Variants in ZNF436 observed in about 807,000 individuals in gnomAD.
ZNF436 encodes the protein DNA-binding protein.
ZNF436 carries 22 observed loss-of-function variants against 41.9 expected under a neutral mutation model. The observed-to-expected ratio is 0.53, with a 90% CI of 0.38 to 0.75. The LOEUF (loss-of-function observed/expected upper bound fraction) is 0.75. Among genes scored for constraint, ZNF436 ranks in the 30% least tolerant of loss-of-function variants. The pLI, the probability that ZNF436 is intolerant of heterozygous loss-of-function variation, is 0.00. For missense variants in ZNF436, 506 were observed against 587.3 expected (o/e 0.86, Z 1.43); for synonymous variants, 217 against 197.8 (o/e 1.10, Z -0.82).
rs1262973106 is a variant in ZNF436 at position 23,362,245 on chromosome 1, T to C, written c.1137A>G (p.Thr379=). Residue 379 remains threonine, a synonymous_variant, in exon 4 of 4, where the codon ACA becomes ACG. Coordinates refer to ENST00000314011, the MANE Select transcript of ZNF436 (RefSeq NM_001077195.2). ...TCTCTCCAGTGTGAATTTTCTGGTG[T>C]GTGATGAGATGAGAGCTCCGGCTGA... ...KSFSRSSHLI[T]HQKIHTGEKP... is the part of the protein sequence containing the mutation. 1.2e-6 allele frequency: 2 copies of C among 1,613,640 alleles called. No homozygotes were observed. The highest frequency in any genetic ancestry group is 1.7e-6 in the Non-Finnish European group (2 of 1,179,900).
intron 1 of ZNF436, 40 bp from the exon 2 acceptor site, chr1:23,368,105 A>C: frequency 7.2e-7 from 1 of 1,381,802 alleles, no homozygotes. Flanking sequence ...CACGGAAAAC[A>C]GGCCCTGCCC....
In ZNF436 at chr1:23,363,008, A is replaced by G. The variant is rs1364956501; in HGVS notation, c.374T>C (p.Leu125Pro). 1 of 1,614,212 alleles carries G rather than the reference A, an allele frequency of 6.2e-7. No homozygotes were observed. Among genetic ancestry groups the G allele is most frequent in the Non-Finnish European group, 8.5e-7 (1 of 1,180,042 alleles). ...VSYPLQPVTD[L>P]LVHKEVHTGI... Reference sequence around the variant, plus strand: ...TGTGTGGACTTCTTTGTGGACAAGTAGATCAGTGACTGGTTGGAGAGGATA... The same window carrying G: ...TGTGTGGACTTCTTTGTGGACAAGTGGATCAGTGACTGGTTGGAGAGGATA... Residue 125 changes from leucine (L) to proline (P), a missense_variant, in exon 4 of 4, where the codon CTA (leucine) becomes CCA (proline). Leu to Pro is a moderately conservative substitution (Grantham distance 98). This residue lies in a region of ZNF436 where 228 missense variants were observed against 215.1 expected (regional missense o/e 1.06). Coordinates refer to ENST00000314011, the MANE Select transcript of ZNF436 (RefSeq NM_001077195.2).
chr1:23,360,888 G>A lies in ZNF436; in HGVS notation c.*1081C>T, dbSNP rs1196712460. The A allele has an allele frequency of 6.6e-6, 1 of 152,644 alleles. No homozygotes were observed. Among genetic ancestry groups the A allele is most frequent in the African/African-American group, 2.4e-5 (1 of 41,446 alleles). 9.5% of individuals were successfully genotyped at this position (152,644 alleles called of 1,614,324 possible). On this transcript the variant is annotated 3_prime_UTR_variant, in exon 4 of 4. Transcript: ENST00000314011. ...CTGTCACATGACTCACATCACCCAA[G>A]AACATGCTAAGTCTCTGTAAATTCA... is the stretch of plus-strand genomic sequence containing the variant.
intron 3 of ZNF436, among the ~76,000 whole-genome samples, chr1:23,366,434 C>T (rs1313017583): frequency 6.6e-6 from 1 of 152,134 alleles, no homozygotes; most frequent in East Asian, 1.9e-4. Context: ...GACCAAAGTA[C>T]AGCAAAGAGA....
intron 3 of ZNF436, among the ~76,000 whole-genome samples, chr1:23,365,732 A>G (rs1047317604): frequency 6.6e-6 from 1 of 151,718 alleles, no homozygotes; most frequent in African/African-American, 2.4e-5. Context: ...TAATTAATTA[A>G]TTAATTAATT....
chr1:23,368,073 A>T lies in ZNF436; in HGVS notation c.-60-8T>A. 1.3e-6 allele frequency: 2 copies of T among 1,587,682 alleles called. No homozygotes were observed. The highest frequency in any genetic ancestry group is 1.7e-6 in the Non-Finnish European group (2 of 1,158,216). On this transcript the variant is annotated splice_polypyrimidine_tract_variant and splice_region_variant and intron_variant, in intron 1 of 3. Coordinates refer to ENST00000314011, the MANE Select transcript of ZNF436 (RefSeq NM_001077195.2). ...AGCAGCTAGCAGACAGCGCTGAAGG[A>T]GGCGAAAAGCAGGGCGTGAGGCACG...
chr1:23,368,194 C>T, intron 1 of ZNF436, 129 bp from the exon 2 acceptor site: 3 of 618,340 alleles, frequency 4.9e-6, no homozygotes, highest in South Asian at 2.0e-5. Context: ...TCCTCCCTGA[C>T]CCTCGAGCGC....
At chr1:23,366,162 A>G (rs542799077) in intron 3 of ZNF436, among the ~76,000 whole-genome samples, 2 of 152,352 alleles carry the variant, frequency 1.3e-5, no homozygotes, top group African/African-American at 4.8e-5. Context: ...GGTTACTTTT[A>G]TAAAGAAAGG....
intron 1 of ZNF436, 77 bp from the exon 2 acceptor site, chr1:23,368,142 C>T (rs1557998219): frequency 2.0e-6 from 2 of 1,013,084 alleles, no homozygotes; most frequent in East Asian, 5.3e-5. Flanking sequence ...GTTCTGGCCC[C>T]AAGGCGGGCA....
At chr1:23,366,910 A>G in intron 3 of ZNF436, 132 bp downstream of exon 3, 1 of 1,001,104 alleles carries the variant, frequency 1.0e-6, no homozygotes, top group Non-Finnish European at 1.5e-6. Flanking sequence ...GATCTGCCTG[A>G]GGACTCAAGT....
intron 3 of ZNF436, among the ~76,000 whole-genome samples, chr1:23,363,777 C>T (rs529704608): frequency 4.6e-5 from 7 of 152,268 alleles, no homozygotes; most frequent in African/African-American, 9.6e-5. Context: ...CCGTGGCTCA[C>T]GCATGTAATC....
rs556022679 is a variant in ZNF436, at chr1:23,368,470, T to G, written c.-60-405A>C. 601 of 162,558 alleles carry G rather than the reference T, an allele frequency of 3.7e-3. 2 individuals are homozygous for G. Among genetic ancestry groups the G allele is most frequent in the Non-Finnish European group, 5.8e-3 (424 of 73,274 alleles). The allele number at this position is 162,558 out of a possible 1,614,324, so 10.1% of individuals were successfully genotyped here. ...AACACTATGCCCGCCTCCCACAGCC[T>G]GGCCAAGAGCCTCTAGTGCGCCTGT... On this transcript the variant is annotated intron_variant, in intron 1 of 3. Coordinates refer to ENST00000314011, the MANE Select transcript of ZNF436 (RefSeq NM_001077195.2).
At chr1:23,366,694 T>G (rs772653893) in intron 3 of ZNF436, among the ~76,000 whole-genome samples, 11 of 152,212 alleles carry the variant, frequency 7.2e-5, no homozygotes, top group Non-Finnish European at 4.4e-5. Flanking sequence ...CCCCTCATCT[T>G]TTAGCACCCT....
At chr1:23,365,914 T>C (rs1431748065) in intron 3 of ZNF436, among the ~76,000 whole-genome samples, 1 of 84,968 alleles carries the variant, frequency 1.2e-5, no homozygotes, top group East Asian at 3.3e-4. Context: ...CAAGATCCTG[T>C]CTCAAAAAAA....
At position 23,361,351 on chromosome 1, in the gene ZNF436, C is replaced by A. The variant is rs1449226487; in HGVS notation, c.*618G>T. 6.6e-6 allele frequency: 1 copy of A among 152,610 alleles called. No homozygotes were observed. 9.5% of individuals were successfully genotyped at this position (152,610 alleles called of 1,614,324 possible). A position where few individuals can be genotyped will look rare whatever the true frequency, so the allele number is the denominator to read the frequency against. On this transcript the variant is annotated 3_prime_UTR_variant, in exon 4 of 4. Transcript: ENST00000314011. ...CAACCGTATCTTCAGTTAGCCTTCA[C>A]AAAGATGCAAGCTTTAAAGGAGCTA...
At chr1:23,367,378 T>G (rs1638382199) in intron 2 of ZNF436, among the ~76,000 whole-genome samples, 1 of 152,206 alleles carries the variant, frequency 6.6e-6, no homozygotes, top group Non-Finnish European at 1.5e-5. Flanking sequence ...CCTGCCCCAC[T>G]CAGGAACTTT....
rs1558000538 is a variant in ZNF436, at chr1:23,369,541, G to A, written c.-236C>T. 1 of 533,038 alleles carries A rather than the reference G, an allele frequency of 1.9e-6. No homozygotes were observed. Among genetic ancestry groups the A allele is most frequent in the Non-Finnish European group, 3.9e-6 (1 of 258,900 alleles). The allele number at this position is 533,038 out of a possible 1,614,324, so 33.0% of individuals were successfully genotyped here. A position where few individuals can be genotyped will look rare whatever the true frequency, so the allele number is the denominator to read the frequency against. ...AGATCTCGAATTCGTAGACTTGCAG[G>A]CGAAGCCCAGATATCGTAGGCTGAT... On this transcript the variant is annotated 5_prime_UTR_variant, in exon 1 of 4. Coordinates refer to ENST00000314011, the MANE Select transcript of ZNF436 (RefSeq NM_001077195.2).
chr1:23,366,225 C>CAA (rs1271974467), intron 3 of ZNF436, among the ~76,000 whole-genome samples: 5 of 152,146 alleles, frequency 3.3e-5, no homozygotes, highest in Non-Finnish European at 5.9e-5. Flanking sequence ...GGAAAGCCCT[C>CAA]AGAGTTGCCT....
rs758813393 is a variant in ZNF436, at chr1:23,362,993, T to C, written c.389A>G (p.Glu130Gly). ...ATGATAGCGGATGCCTGTGTGGACT[T>C]CTTTGTGGACAAGTAGATCAGTGAC... is the stretch of plus-strand genomic sequence containing the variant. ...QPVTDLLVHKEVHTGIRYHIC... is the reference protein window; with the variant it reads ...QPVTDLLVHKGVHTGIRYHIC... The change falls in exon 4 of 4, where the codon GAA becomes GGA. Residue 130 changes from glutamate to glycine, a missense_variant. Physicochemically the swap from Glu to Gly is moderately conservative, Grantham distance 98. Coordinates refer to ENST00000314011, the MANE Select transcript of ZNF436 (RefSeq NM_001077195.2). 1 of 1,614,218 alleles carries C rather than the reference T, an allele frequency of 6.2e-7. No individual in the cohort carries two copies. The highest frequency in any genetic ancestry group is 1.1e-5 in the South Asian group (1 of 91,080).
Sources: allele counts gnomAD v4.1 joint callset (sites outside exome capture counted in the v4.1 genomes callset), GRCh38; gene constraint gnomAD v4.1.1; regional missense constraint gnomAD v4.1.1; transcripts MANE v1.5; gene names NCBI Gene and HGNC (gene_info 2026-07-23, HGNC 2026-07-21).